DRC8: variants seen among roughly 807,000 people sequenced by gnomAD.
DRC8 encodes dynein regulatory complex protein 8.
the DRC8 span, among the ~76,000 whole-genome samples, chr1:244,992,604 G>A: frequency 4.6e-5 from 7 of 152,100 alleles, no homozygotes; most frequent in Admixed American, 3.9e-4. Context: ...GCTAGGCATG[G>A]TGGTACCCAT....
At chr1:245,030,303 T>C in the DRC8 span, among the ~76,000 whole-genome samples, 1 of 152,216 alleles carries the variant, frequency 6.6e-6, no homozygotes, top group African/African-American at 2.4e-5. Context: ...GGACCAAATA[T>C]TCTTTAAGTT....
At chr1:245,035,343 G>A in the DRC8 span, among the ~76,000 whole-genome samples, 1 of 152,116 alleles carries the variant, frequency 6.6e-6, no homozygotes, top group Non-Finnish European at 1.5e-5. Flanking sequence ...AATTAAGACT[G>A]TGATACTGGC....
At chr1:245,099,028 C>T in the DRC8 span, among the ~76,000 whole-genome samples, 4 of 152,124 alleles carry the variant, frequency 2.6e-5, no homozygotes, top group African/African-American at 9.6e-5. Context: ...GTCCCAGAAA[C>T]ACCGTTTCAT....
At chr1:245,084,689 C>G in the DRC8 span, among the ~76,000 whole-genome samples, 2 of 152,160 alleles carry the variant, frequency 1.3e-5, no homozygotes, top group African/African-American at 2.4e-5. Context: ...AGCTAGAGCT[C>G]TCTGGTTCAC....
chr1:245,077,582 C>T, the DRC8 span, among the ~76,000 whole-genome samples: 138,253 of 152,236 alleles, frequency 0.91, 63,911 homozygotes, highest in Non-Finnish European at 1. Context: ...GCATAAATGG[C>T]CAGCTAATCC....
the DRC8 span, chr1:245,087,076 T>G: frequency 2.0e-6 from 2 of 981,320 alleles, no homozygotes; most frequent in Non-Finnish European, 3.0e-6. Flanking sequence ...ACAATAGCCT[T>G]GTCTTTGAAC....
At chr1:245,017,130 G>A in the DRC8 span, 1 of 931,216 alleles carries the variant, frequency 1.1e-6, no homozygotes, top group African/African-American at 1.7e-5. Flanking sequence ...TAAATATAAG[G>A]AGAGGGTTCT....
chr1:245,073,964 A>G, the DRC8 span, among the ~76,000 whole-genome samples: 1 of 152,252 alleles, frequency 6.6e-6, no homozygotes, highest in Non-Finnish European at 1.5e-5. Context: ...TAGTGGTCAC[A>G]AAGACACTAT....
At chr1:244,970,825 T>A in the DRC8 span, 1 of 323,508 alleles carries the variant, frequency 3.1e-6, no homozygotes, top group East Asian at 5.5e-5. Context: ...CTGCGCGGGC[T>A]GCGCCGGAGG....
chr1:244,996,981 T>C, the DRC8 span, among the ~76,000 whole-genome samples: 1 of 152,208 alleles, frequency 6.6e-6, no homozygotes, highest in Non-Finnish European at 1.5e-5. Flanking sequence ...CACATCTTCT[T>C]GTATACTTCA....
chr1:245,086,680 A>G, the DRC8 span: 1 of 528,730 alleles, frequency 1.9e-6, no homozygotes, highest in African/African-American at 1.9e-5. Context: ...TACTGTTCTA[A>G]GTCCCATTCA....
At chr1:244,983,068 A>G in the DRC8 span, among the ~76,000 whole-genome samples, 1 of 152,138 alleles carries the variant, frequency 6.6e-6, no homozygotes, top group African/African-American at 2.4e-5. Flanking sequence ...TAGGGAAAAA[A>G]AAAGAAGAAA....
chr1:245,011,607 T>G, the DRC8 span, among the ~76,000 whole-genome samples: 1 of 152,222 alleles, frequency 6.6e-6, no homozygotes, highest in Non-Finnish European at 1.5e-5. Context: ...GGATTTAGCA[T>G]TTTCAGATTA....
chr1:245,007,359 AT>A, the DRC8 span, among the ~76,000 whole-genome samples: 1 of 152,238 alleles, frequency 6.6e-6, no homozygotes, highest in Non-Finnish European at 1.5e-5. Context: ...TATGAAAAAA[AT>A]ACCTATGAGA....
the DRC8 span, chr1:245,083,525 A>G: frequency 6.3e-7 from 1 of 1,588,292 alleles, no homozygotes; most frequent in Non-Finnish European, 8.6e-7. Flanking sequence ...ATATATATAA[A>G]TACATTTATT....
the DRC8 span, among the ~76,000 whole-genome samples, chr1:245,008,308 T>A: frequency 6.6e-6 from 1 of 152,300 alleles, no homozygotes; most frequent in East Asian, 1.9e-4. Flanking sequence ...TGTTAAAAAA[T>A]TTTGTTATGT....
chr1:245,066,847 C>T, the DRC8 span, among the ~76,000 whole-genome samples: 1 of 151,858 alleles, frequency 6.6e-6, no homozygotes, highest in South Asian at 2.1e-4. Context: ...GCGGAGCTTG[C>T]AGTGAGCCGA....
At chr1:245,093,103 G>C in the DRC8 span, among the ~76,000 whole-genome samples, 2 of 152,166 alleles carry the variant, frequency 1.3e-5, no homozygotes, top group Non-Finnish European at 2.9e-5. Context: ...GAGATCTGCT[G>C]CCTGGGTGTG....
the DRC8 span, among the ~76,000 whole-genome samples, chr1:244,999,205 G>A: frequency 9.3e-5 from 14 of 150,208 alleles, no homozygotes; most frequent in Non-Finnish European, 1.9e-4. Context: ...GGAATGGGGA[G>A]AAGTCTGCCT....
Sources: allele counts gnomAD v4.1 joint callset (sites outside exome capture counted in the v4.1 genomes callset), GRCh38; gene constraint gnomAD v4.1.1; transcripts MANE v1.5; gene names NCBI Gene and HGNC (gene_info 2026-07-23, HGNC 2026-07-21).